The following KCNA6 variants were observed in gnomAD, a reference collection of about 807,000 sequenced individuals.
The protein encoded by KCNA6 is human brain potassium channel-2.
Under a neutral mutation model 29.5 loss-of-function variants are expected in KCNA6, and 17 were observed. The ratio of observed to expected loss-of-function variants is 0.58; its 90% CI spans 0.39 to 0.86. The LOEUF is 0.86. Ranked by LOEUF, KCNA6 falls within the 40% of genes least tolerant of loss-of-function variation. The probability of loss-of-function intolerance (pLI) is 0.00; values close to 1 mark genes in which losing one functional copy is unlikely to be tolerated. For synonymous variants in KCNA6, 296 were observed against 304.7 expected (o/e 0.97, Z 0.30); for missense variants, 450 against 703.4 (o/e 0.64, Z 4.07).
chr12:4,810,209 G>A lies in KCNA6; in HGVS notation c.168G>A (p.Leu56=). ...CCGGGCTGCGCTTTGAGACACAATT[G>A]CGCACCCTGTCGCTGTTTCCGGACA... Residue 56 remains leucine (L), a synonymous_variant, in exon 1 of 1, where the codon TTG becomes TTA. Coordinates refer to ENST00000280684, the Ensembl canonical transcript of KCNA6. This position sits in a 1 kb window ranked among gnomAD's most constrained non-coding sequence, Gnocchi z 7.5. 1 of 1,613,662 alleles carries A rather than the reference G, an allele frequency of 6.2e-7. No homozygotes were observed. The highest frequency in any genetic ancestry group is 1.1e-5 in the South Asian group (1 of 91,066).
chr12:4,809,944 A>C, exon 1 of KCNA6: 2 of 1,390,266 alleles, frequency 1.4e-6, no homozygotes, highest in African/African-American at 1.4e-5. Flanking sequence ...GCCCCACCCT[A>C]AAGAGGGCGC....
In KCNA6 at chr12:4,809,990, G is replaced by T. The variant is rs1946606161; in HGVS notation, c.-52G>T. 18 of 1,496,966 alleles carry T rather than the reference G, an allele frequency of 1.2e-5. No individual in the cohort carries two copies. In the East Asian group the frequency reaches 1.8e-4, roughly 15 times the overall value. 92.7% of individuals were successfully genotyped at this position (1,496,966 alleles called of 1,614,324 possible). A position where few individuals can be genotyped will look rare whatever the true frequency, so the allele number is the denominator to read the frequency against. ...TGGGGAGCGGGTGCCGCGCTCCAGA[G>T]ATTGTGTCGTGGGCGCCGTCCTAGT... On this transcript the variant is annotated 5_prime_UTR_variant, in exon 1 of 1. Coordinates refer to ENST00000280684, the Ensembl canonical transcript of KCNA6.
the KCNA6 span, among the ~76,000 whole-genome samples, chr12:4,831,498 C>T: frequency 1.5e-4 from 23 of 152,266 alleles, no homozygotes; most frequent in Admixed American, 1.4e-3. Context: ...TCAGTCTGGG[C>T]TAGCCTCTCT....
chr12:4,810,152 C>T lies in KCNA6; in HGVS notation c.111C>T (p.Cys37=). The change falls in exon 1 of 1, where the codon TGC becomes TGT. Residue 37 remains cysteine, a synonymous_variant. Transcript: ENST00000280684. The surrounding 1 kb of genome is among the most constrained non-coding windows in gnomAD (Gnocchi z 7.5). ...CGGAGGCCGGCGGGGGCGGGGGCTG[C>T]TGTAGTAGCGAGCGGCTGGTGATCA... 1 of 1,608,104 alleles carries T rather than the reference C, an allele frequency of 6.2e-7. No homozygotes were observed. The highest frequency in any genetic ancestry group is 1.1e-5 in the South Asian group (1 of 90,480).
At chr12:4,846,260 A>G in the KCNA6 span, among the ~76,000 whole-genome samples, 15 of 152,200 alleles carry the variant, frequency 9.9e-5, no homozygotes, top group African/African-American at 3.4e-4. Context: ...GACCTGTAAC[A>G]TACTAACATT....
the KCNA6 span, among the ~76,000 whole-genome samples, chr12:4,845,840 T>C: frequency 2.0e-5 from 3 of 152,098 alleles, no homozygotes; most frequent in African/African-American, 7.2e-5. Context: ...TGCCCTAGCC[T>C]TCCTCATCCC....
the KCNA6 span, among the ~76,000 whole-genome samples, chr12:4,847,594 C>G: frequency 8.4e-4 from 127 of 152,090 alleles, no homozygotes; most frequent in African/African-American, 2.7e-3. Flanking sequence ...TAATAGCAGC[C>G]TGTTCTTCTT....
rs1196725122 is a variant in KCNA6, at chr12:4,810,162, G to C, written c.121G>C (p.Glu41Gln). 5.0e-6 allele frequency: 8 copies of C among 1,609,992 alleles called. No homozygotes were observed. The Admixed American group carries it at 1.0e-4, about 20-fold the overall frequency. ...CGGGGGCGGGGGCTGCTGTAGTAGC[G>C]AGCGGCTGGTGATCAATATCTCCGG... Residue 41 changes from glutamate to glutamine, a missense_variant, in exon 1 of 1, where the codon GAG becomes CAG. Glu to Gln is a conservative substitution (Grantham distance 29). Around this residue, in one of 7 missense-constraint regions of KCNA6, gnomAD observed 72 missense variants for 64.2 expected, o/e 1.12. Coordinates refer to ENST00000280684, the Ensembl canonical transcript of KCNA6. The surrounding 1 kb of genome is among the most constrained non-coding windows in gnomAD (Gnocchi z 7.5).
chr12:4,809,826 A>C (rs995304661), exon 1 of KCNA6: 1 of 511,534 alleles, frequency 2.0e-6, no homozygotes, highest in Non-Finnish European at 3.3e-6. Flanking sequence ...CGCAGAACCA[A>C]ATCCCCAGCG....
Position 4,809,983 on chromosome 12 carries a change from C to G in KCNA6, c.-59C>G. 4 of 1,488,926 alleles carry G rather than the reference C, an allele frequency of 2.7e-6. No homozygotes were observed. In the South Asian group the frequency reaches 4.1e-5, roughly 15 times the overall value. 92.2% of individuals were successfully genotyped at this position (1,488,926 alleles called of 1,614,324 possible). ...CGGGAGCTGGGGAGCGGGTGCCGCG[C>G]TCCAGAGATTGTGTCGTGGGCGCCG... On this transcript the variant is annotated 5_prime_UTR_variant, in exon 1 of 1. Coordinates refer to ENST00000280684, the Ensembl canonical transcript of KCNA6.
chr12:4,827,199 T>TC, the KCNA6 span, among the ~76,000 whole-genome samples: 1 of 54,420 alleles, frequency 1.8e-5, no homozygotes, highest in African/African-American at 8.1e-5. Context: ...CTTCCTTCCT[T>TC]CCTTCCCTCC....
chr12:4,833,346 T>C, the KCNA6 span, among the ~76,000 whole-genome samples: 1 of 152,242 alleles, frequency 6.6e-6, no homozygotes, highest in South Asian at 2.1e-4. Flanking sequence ...GTGGTGCTGC[T>C]GGGGGTTGTG....
chr12:4,845,831 G>A, the KCNA6 span, among the ~76,000 whole-genome samples: 3 of 152,040 alleles, frequency 2.0e-5, no homozygotes, highest in African/African-American at 4.8e-5. Flanking sequence ...ACAATCCCCT[G>A]CCCTAGCCTT....
the KCNA6 span, among the ~76,000 whole-genome samples, chr12:4,823,257 A>G: frequency 1.3e-5 from 2 of 152,072 alleles, no homozygotes; most frequent in African/African-American, 4.8e-5. Context: ...ATATAGTTAA[A>G]AGAGAGCATG....
chr12:4,819,459 G>C, the KCNA6 span, among the ~76,000 whole-genome samples: 47 of 152,318 alleles, frequency 3.1e-4, no homozygotes, highest in African/African-American at 1.1e-3. Context: ...CCCCTTTGCA[G>C]GTGGGGGTAC....
chr12:4,835,934 GTTTTTTTTTT>G, the KCNA6 span, among the ~76,000 whole-genome samples: 7 of 137,202 alleles, frequency 5.1e-5, no homozygotes, highest in Non-Finnish European at 9.4e-5. Flanking sequence ...AAAAGTCGCT[GTTTTTTTTTT>G]TTTTTTTTTT....
At position 4,810,470 on chromosome 12, in the gene KCNA6, A is replaced by C; in HGVS notation, c.429A>C (p.Glu143Asp). The C allele has an allele frequency of 6.2e-7, 1 of 1,614,092 alleles. No individual in the cohort carries two copies. Among genetic ancestry groups the C allele is most frequent in the Non-Finnish European group, 8.5e-7 (1 of 1,180,012 alleles). The stretch of plus-strand genomic sequence containing the variant: ...GGGAGGACGAGGGCTGCCTGCCCGA[A>C]GGTGGCGAGGACGAGAAGCCGCTGC... The change falls in exon 1 of 1, where the codon GAA becomes GAC. Residue 143 changes from glutamate to aspartate, a missense_variant. Glu to Asp is a conservative substitution (Grantham distance 45, BLOSUM62 2). Around this residue, in one of 7 missense-constraint regions of KCNA6, gnomAD observed 133 missense variants for 217.5 expected, o/e 0.61. Transcript: ENST00000280684. The surrounding 1 kb of genome is among the most constrained non-coding windows in gnomAD (Gnocchi z 7.5).
the KCNA6 span, among the ~76,000 whole-genome samples, chr12:4,841,520 A>G: frequency 1.1e-4 from 17 of 152,340 alleles, no homozygotes; most frequent in Admixed American, 8.5e-4. Flanking sequence ...AATTCAGTCA[A>G]TTGAATATGT....
At chr12:4,842,493 A>C in the KCNA6 span, 1 of 153,068 alleles carries the variant, frequency 6.5e-6, no homozygotes, top group African/African-American at 2.4e-5. Context: ...TTATGAAGAA[A>C]AGAGGTTTAA....
Sources: gnomAD v4.1 joint callset for allele counts (sites outside exome capture counted in the v4.1 genomes callset) on GRCh38, gnomAD v4.1.1 for gene constraint, gnomAD v4.1.1 regional missense constraint, Gnocchi (gnomAD v3.1) non-coding constraint, MANE v1.5 for transcripts, NCBI Gene and HGNC (gene_info 2026-07-23, HGNC 2026-07-21) for gene names.